TBC1D1: variants seen among roughly 807,000 people sequenced by gnomAD.
TBC1D1 encodes TBC1 (tre-2/USP6, BUB2, cdc16) domain family, member 1.
In TBC1D1, 89 loss-of-function variants were observed where a neutral mutation model predicts 125.6. The ratio of observed to expected loss-of-function variants is 0.71; its 90% CI spans 0.60 to 0.85. The LOEUF (loss-of-function observed/expected upper bound fraction) is 0.85, where lower values mean the gene tolerates loss of function less well. TBC1D1 is among the 40% of genes least tolerant of loss of function. The probability of loss-of-function intolerance (pLI) is 0.00; values close to 1 mark genes in which losing one functional copy is unlikely to be tolerated. For synonymous variants in TBC1D1, 565 were observed against 564.1 expected, an observed-to-expected ratio of 1.00 and a Z score of -0.02; for missense variants, 1,377 against 1,469.2, an observed-to-expected ratio of 0.94 and a Z score of 1.03.
chr4:37,951,883 G>T (rs1727949898), intron 2 of TBC1D1: 1 of 686,126 alleles, frequency 1.5e-6, no homozygotes, highest in African/African-American at 1.8e-5. Flanking sequence ...TTACAATACT[G>T]ACATGGAGTT....
At chr4:38,088,212 TAAATA>T (rs1477219459) in intron 12 of TBC1D1, among the ~76,000 whole-genome samples, 1 of 152,140 alleles carries the variant, frequency 6.6e-6, no homozygotes, top group East Asian at 1.9e-4. Flanking sequence ...AGAATAAGAT[TAAATA>T]AAAGGATTCA....
chr4:37,902,376 T>C lies in TBC1D1; in HGVS notation c.281T>C (p.Phe94Ser), dbSNP rs1716265572. ...GATCCCCTGATCTATTCCAGCATCT[T>C]TGAGTGCAAGCCTCAGCGTGTTCAC... Residue 94 changes from phenylalanine (F) to serine (S), a missense_variant, in exon 2 of 20, where the codon TTT becomes TCT. Phe to Ser is a radical substitution (Grantham distance 155). Around this residue, in one of 3 missense-constraint regions of TBC1D1, gnomAD observed 822 missense variants for 824.6 expected, o/e 1.00. Coordinates refer to ENST00000261439, the MANE Select transcript of TBC1D1 (RefSeq NM_015173.4). 2 of 1,614,238 alleles carry C rather than the reference T, an allele frequency of 1.2e-6. No homozygotes were observed. Among genetic ancestry groups the C allele is most frequent in the East Asian group, 2.2e-5 (1 of 44,880 alleles).
rs376469339 is a variant in TBC1D1, at chr4:37,927,275, T to C, written c.417+24763T>C. Among the ~76,000 whole-genome samples the C allele has an allele frequency of 5.1e-4, 77 of 152,334 alleles. 2 individuals are homozygous for C. The South Asian group carries it at 0.016, about 31-fold the overall frequency. Reference sequence around the variant, plus strand: ...CTCCCCATTTCGAATTTATTCTTTTTCATTGGAAGCTAAAGTGCACTCTCC... The same window carrying C: ...CTCCCCATTTCGAATTTATTCTTTTCCATTGGAAGCTAAAGTGCACTCTCC... On this transcript the variant is annotated intron_variant, in intron 2 of 19. Transcript: ENST00000261439.
chr4:38,000,268 T>G (rs1449173938), intron 2 of TBC1D1, among the ~76,000 whole-genome samples: 1 of 152,190 alleles, frequency 6.6e-6, no homozygotes, highest in Non-Finnish European at 1.5e-5. Flanking sequence ...TGGACTTCTT[T>G]GGTTCACATC....
At chr4:37,920,042 G>A (rs1720608627) in intron 2 of TBC1D1, among the ~76,000 whole-genome samples, 1 of 152,216 alleles carries the variant, frequency 6.6e-6, no homozygotes, top group Non-Finnish European at 1.5e-5. Flanking sequence ...GAACCGGTGA[G>A]GCGGAGCTTG....
chr4:38,075,049 G>A (rs1480640274), intron 12 of TBC1D1, among the ~76,000 whole-genome samples: 2 of 152,084 alleles, frequency 1.3e-5, no homozygotes, highest in Non-Finnish European at 2.9e-5. Flanking sequence ...GTGAGCCACC[G>A]CGCCTGGCCA....
At position 38,054,174 on chromosome 4, in the gene TBC1D1, TA is replaced by T. The variant is rs1470810372; in HGVS notation, c.1911-22del. 17 of 1,610,912 alleles carry T rather than the reference TA, an allele frequency of 1.1e-5. No homozygotes were observed. In the East Asian group the frequency reaches 3.6e-4, roughly 34 times the overall value. ...CCCGTGAATTCCTCCCCACTAGTCATAAATCAATCATCTTATAATTTTAGGG... is the reference window on the plus strand; with the variant it reads ...CCCGTGAATTCCTCCCCACTAGTCATAATCAATCATCTTATAATTTTAGGG... On this transcript the variant is annotated intron_variant, in intron 11 of 19. Transcript: ENST00000261439.
At chr4:38,032,296 G>C (rs1560655618) in intron 7 of TBC1D1, among the ~76,000 whole-genome samples, 2 of 152,160 alleles carry the variant, frequency 1.3e-5, no homozygotes, top group Non-Finnish European at 2.9e-5. Context: ...TCCAGCCTGG[G>C]GGATAGAGCG....
rs755269443 is a variant in TBC1D1, at chr4:38,102,995, A to G, written c.2399-4A>G. 3.1e-6 allele frequency: 5 copies of G among 1,612,324 alleles called. No individual in the cohort carries two copies. In the Admixed American group the frequency reaches 8.4e-5, roughly 27 times the overall value. On this transcript the variant is annotated splice_polypyrimidine_tract_variant and splice_region_variant and intron_variant, in intron 14 of 19. Transcript: ENST00000261439. ...TATTTCCATGTCTTCTCTCCCTTTT[A>G]AAGGTGTGCCACGTCATCACCGAGG... is the stretch of plus-strand genomic sequence containing the variant.
At chr4:38,081,746 AT>A (rs760774257) in intron 12 of TBC1D1, among the ~76,000 whole-genome samples, 21 of 152,106 alleles carry the variant, frequency 1.4e-4, no homozygotes, top group Non-Finnish European at 2.5e-4. Flanking sequence ...GGTGGATGCT[AT>A]TATTATCGGT....
At chr4:38,037,244 C>T (rs1318476562) in intron 8 of TBC1D1, among the ~76,000 whole-genome samples, 1 of 151,500 alleles carries the variant, frequency 6.6e-6, no homozygotes, top group East Asian at 1.9e-4. Flanking sequence ...ATGATTTGGG[C>T]ATAGATCATC....
In TBC1D1 at chr4:38,110,782, G is replaced by T. The variant is rs1197018128; in HGVS notation, c.2558-4928G>T. On this transcript the variant is annotated intron_variant, in intron 15 of 19. Transcript: ENST00000261439. ...AAGAGGCAGGCCTCATATCCTGATA[G>T]ATTTGTAGGAAGGATTGCACAGTTT... The T allele has an allele frequency of 3.0e-6, 3 of 985,342 alleles. No homozygotes were observed. In the African/African-American group the frequency reaches 5.2e-5, roughly 17 times the overall value. 61.0% of individuals were successfully genotyped at this position (985,342 alleles called of 1,614,324 possible).
At chr4:38,010,764 C>T (rs542690403) in intron 2 of TBC1D1, among the ~76,000 whole-genome samples, 2 of 152,326 alleles carry the variant, frequency 1.3e-5, no homozygotes, top group South Asian at 4.1e-4. Flanking sequence ...GCCTTCCTCT[C>T]AGCCTTCAGT....
At chr4:38,135,872 ATG>A (rs386399821) in intron 19 of TBC1D1, among the ~76,000 whole-genome samples, 12 of 129,438 alleles carry the variant, frequency 9.3e-5, no homozygotes, top group East Asian at 2.0e-4. Flanking sequence ...GTGTATATAT[ATG>A]TGTGTGTGTG....
intron 7 of TBC1D1, 108 bp downstream of exon 7, chr4:38,027,987 G>T (rs1745385887): frequency 4.1e-6 from 3 of 735,172 alleles, no homozygotes; most frequent in Non-Finnish European, 6.5e-6. Flanking sequence ...CCTGGGGGAA[G>T]GTGCCTTGAG....
intron 12 of TBC1D1, among the ~76,000 whole-genome samples, chr4:38,072,774 C>T (rs11096922): frequency 0.32 from 48,851 of 151,992 alleles, 8,207 homozygotes; most frequent in East Asian, 0.63. Context: ...AACTCCTATT[C>T]CCCCTCTCCC....
chr4:38,122,495 C>T (rs1236207400), intron 17 of TBC1D1, among the ~76,000 whole-genome samples: 1 of 152,156 alleles, frequency 6.6e-6, no homozygotes, highest in African/African-American at 2.4e-5. Flanking sequence ...TCCTTTTATT[C>T]AGAGTATTAA....
chr4:38,049,865 A>T lies in TBC1D1; in HGVS notation c.1877A>T (p.His626Leu). 1 of 1,613,886 alleles carries T rather than the reference A, an allele frequency of 6.2e-7. No homozygotes were observed. The change falls in exon 11 of 20, where the codon CAC (histidine) becomes CTC (leucine). Residue 626 changes from histidine to leucine, a missense_variant. Physicochemically the swap from His to Leu is moderately conservative, Grantham distance 99. This residue lies in a region of TBC1D1 where 822 missense variants were observed against 824.6 expected (regional missense o/e 1.00). Transcript: ENST00000261439. ...TCGCAAAGGAAACTTATGAGGTATC[A>T]CTCAGTGAGCACAGAGACGCCTCAT... is the stretch of plus-strand genomic sequence containing the variant.
chr4:38,085,141 A>C (rs1757265553), intron 12 of TBC1D1, among the ~76,000 whole-genome samples: 1 of 152,192 alleles, frequency 6.6e-6, no homozygotes. Flanking sequence ...AACAGCACAG[A>C]GTTGTTGGGG....
Sources: allele counts gnomAD v4.1 joint callset (sites outside exome capture counted in the v4.1 genomes callset), GRCh38; gene constraint gnomAD v4.1.1; regional missense constraint gnomAD v4.1.1; transcripts MANE v1.5; gene names NCBI Gene and HGNC (gene_info 2026-07-23, HGNC 2026-07-21).